AGAP1: variants seen among roughly 807,000 people sequenced by gnomAD.
AGAP1 encodes the protein arf-GAP with GTPase, ANK repeat and PH domain-containing protein 1.
A neutral mutation model predicts 105.3 loss-of-function variants in AGAP1; 29 were observed. The ratio of observed to expected loss-of-function variants is 0.28; its 90% CI spans 0.21 to 0.38. The LOEUF is 0.38. Among genes scored for constraint, AGAP1 ranks in the 10% least tolerant of loss-of-function variants. The pLI is 1.00. For missense variants in AGAP1, 998 were observed against 1,165.1 expected (o/e 0.86, Z 2.09); for synonymous variants, 509 against 485.9 (o/e 1.05, Z -0.63).
chr2:236,088,100 A>G (rs1272400567), intron 16 of AGAP1, among the ~76,000 whole-genome samples: 1 of 152,132 alleles, frequency 6.6e-6, no homozygotes, highest in African/African-American at 2.4e-5. Context: ...ACCTTCACCA[A>G]TGTGCCTTTC....
chr2:235,750,264 A>G lies in AGAP1; in HGVS notation c.539-90A>G. On this transcript the variant is annotated intron_variant, in intron 5 of 17. Transcript: ENST00000304032. The surrounding 1 kb of genome is among the most constrained non-coding windows in gnomAD (Gnocchi z 5.3). ...AAACTAATTACATTTCTGCTGAGTA[A>G]GGTACTGGTTTTCCGTGTTGTGGGG... 6.4e-7 allele frequency: 1 copy of G among 1,552,258 alleles called. No individual in the cohort carries two copies. Among genetic ancestry groups the G allele is most frequent in the Non-Finnish European group, 8.8e-7 (1 of 1,130,046 alleles).
chr2:235,575,931 A>T (rs972335070), intron 1 of AGAP1, among the ~76,000 whole-genome samples: 1 of 152,164 alleles, frequency 6.6e-6, no homozygotes, highest in Non-Finnish European at 1.5e-5. Flanking sequence ...TCAAAAGAAG[A>T]TGATGTGAAA....
chr2:235,842,643 C>T lies in AGAP1; in HGVS notation c.1050+35312C>T, dbSNP rs1221240596. Among the ~76,000 whole-genome samples the T allele has an allele frequency of 6.6e-6, 1 of 152,212 alleles. No individual in the cohort carries two copies. The highest frequency in any genetic ancestry group is 2.4e-5 in the African/African-American group (1 of 41,448). On this transcript the variant is annotated intron_variant, in intron 9 of 17. Coordinates refer to ENST00000304032, the MANE Select transcript of AGAP1 (RefSeq NM_001037131.3). This position sits in a 1 kb window ranked among gnomAD's most constrained non-coding sequence, Gnocchi z 5.3. ...CGTGCCAAAAAAGACCCACCTGTAG[C>T]AAGCCTCCATGTGGATTTGAGTTTC...
intron 1 of AGAP1, among the ~76,000 whole-genome samples, chr2:235,541,925 A>G (rs188620800): frequency 9.5e-4 from 144 of 152,262 alleles, no homozygotes; most frequent in Non-Finnish European, 5.6e-4. Context: ...ACTGCTGTAT[A>G]ATATTCTACT....
rs2052893968 is a variant in AGAP1 at position 235,934,530 on chromosome 2, CG to C, written c.1483+3608del. 6.6e-6 allele frequency among the ~76,000 whole-genome samples: 1 copy of C among 152,146 alleles called. No homozygotes were observed. The highest frequency in any genetic ancestry group is 2.4e-5 in the African/African-American group (1 of 41,424). On this transcript the variant is annotated intron_variant, in intron 12 of 17. Transcript: ENST00000304032. This position sits in a 1 kb window ranked among gnomAD's most constrained non-coding sequence, Gnocchi z 4.9. ...GATCTGATGGACAACTTCCAGAAAA[CG>C]TGTTTATGAATGGATTTCAAGACTC...
Position 235,578,177 on chromosome 2 carries a change from G to A in AGAP1, c.163+83328G>A, listed in dbSNP as rs1332507906. On this transcript the variant is annotated intron_variant, in intron 1 of 17. Transcript: ENST00000304032. This position sits in a 1 kb window ranked among gnomAD's most constrained non-coding sequence, Gnocchi z 4.9. ...AGCTATAAAGGACTTGGCCACCAAG[G>A]TTGGAGCTGAGCCCCCCATGTCATG... Among the ~76,000 whole-genome samples the A allele has an allele frequency of 1.3e-5, 2 of 152,094 alleles. No homozygotes were observed. The highest frequency in any genetic ancestry group is 2.9e-5 in the Non-Finnish European group (2 of 68,020).
At chr2:235,675,255 T>C in intron 1 of AGAP1, among the ~76,000 whole-genome samples, 1 of 150,252 alleles carries the variant, frequency 6.7e-6, no homozygotes, top group Non-Finnish European at 1.5e-5. Flanking sequence ...AGTGGCGCGA[T>C]CTCAGCTCAC....
At chr2:235,870,329 A>T (rs1040836590) in intron 9 of AGAP1, among the ~76,000 whole-genome samples, 3 of 152,200 alleles carry the variant, frequency 2.0e-5, no homozygotes, top group African/African-American at 7.2e-5. Context: ...GAACAGGAGA[A>T]CTGCAGCAGA....
At position 235,712,093 on chromosome 2, in the gene AGAP1, C is replaced by T. The variant is rs190227620; in HGVS notation, c.222+2856C>T. ...AGGCTGGAGTGCAGTGGCGCCATCT[C>T]GGCTCACTGCAACCTGCCTCCTGGG... On this transcript the variant is annotated intron_variant, in intron 2 of 17. Transcript: ENST00000304032. The surrounding 1 kb of genome is among the most constrained non-coding windows in gnomAD (Gnocchi z 6.0). 9.0e-4 allele frequency among the ~76,000 whole-genome samples: 137 copies of T among 152,130 alleles called. 3 individuals are homozygous for T. In the East Asian group the frequency reaches 0.021, roughly 24 times the overall value.
At chr2:235,791,846 C>G (rs180818701) in intron 6 of AGAP1, among the ~76,000 whole-genome samples, 1 of 152,164 alleles carries the variant, frequency 6.6e-6, no homozygotes, top group Non-Finnish European at 1.5e-5. Flanking sequence ...CTCACCCAGC[C>G]GGGAAGAGCC....
chr2:236,100,412 T>G (rs2059317116), intron 16 of AGAP1, among the ~76,000 whole-genome samples: 1 of 152,198 alleles, frequency 6.6e-6, no homozygotes, highest in African/African-American at 2.4e-5. Context: ...GAGAATTAAT[T>G]TATGTATTCA....
intron 1 of AGAP1, among the ~76,000 whole-genome samples, chr2:235,604,612 T>C (rs1574947951): frequency 8.3e-6 from 1 of 120,958 alleles, no homozygotes; most frequent in African/African-American, 3.3e-5. Context: ...AGATGGAGTC[T>C]CGCTCTGTTG....
chr2:236,018,901 A>G lies in AGAP1; in HGVS notation c.1646-17660A>G, dbSNP rs572964539. On this transcript the variant is annotated intron_variant, in intron 13 of 17. Coordinates refer to ENST00000304032, the MANE Select transcript of AGAP1 (RefSeq NM_001037131.3). ...GGAACCCAGTCTCCCCGACACTGCG[A>G]TTCCAAGCATAGGCATTGCCATGGG... Among the ~76,000 whole-genome samples the G allele has an allele frequency of 2.1e-3, 317 of 152,330 alleles. 4 individuals carry two copies. The highest frequency in any genetic ancestry group is 1.2e-3 in the East Asian group (6 of 5,178).
At position 235,906,184 on chromosome 2, in the gene AGAP1, C is replaced by T. The variant is rs373453610; in HGVS notation, c.1156-2554C>T. On this transcript the variant is annotated intron_variant, in intron 10 of 17. Transcript: ENST00000304032. The surrounding 1 kb of genome is among the most constrained non-coding windows in gnomAD (Gnocchi z 5.3). The stretch of plus-strand genomic sequence containing the variant: ...TGGCCAGTCACCAGCCTCGGGTGGC[C>T]GGGCACCTCTGCTCCCGGCCTCTGG... Among the ~76,000 whole-genome samples, 2 of 152,136 alleles carry T rather than the reference C, an allele frequency of 1.3e-5. No individual in the cohort carries two copies. The highest frequency in any genetic ancestry group is 2.9e-5 in the Non-Finnish European group (2 of 68,034).
intron 13 of AGAP1, among the ~76,000 whole-genome samples, chr2:235,990,860 T>C (rs773020055): frequency 6.6e-6 from 1 of 152,196 alleles, no homozygotes; most frequent in Non-Finnish European, 1.5e-5. Context: ...TTATGTCAGA[T>C]TGTGATCAAC....
chr2:236,039,334 A>G (rs1043351758), intron 14 of AGAP1, among the ~76,000 whole-genome samples: 2 of 152,018 alleles, frequency 1.3e-5, no homozygotes, highest in African/African-American at 2.4e-5. Context: ...AGTTCCAGCT[A>G]CTCAGGAGGC....
In AGAP1 at chr2:235,976,713, G is replaced by T. The variant is rs778524606; in HGVS notation, c.1645+8090G>T. ...AGACCAGTGGAGAAAGCAGAAACAC[G>T]CCGGGGAACTTGGTTATGCAGGAGC... On this transcript the variant is annotated intron_variant, in intron 13 of 17. Coordinates refer to ENST00000304032, the MANE Select transcript of AGAP1 (RefSeq NM_001037131.3). The surrounding 1 kb of genome is among the most constrained non-coding windows in gnomAD (Gnocchi z 4.5). Among the ~76,000 whole-genome samples, 1 of 152,140 alleles carries T rather than the reference G, an allele frequency of 6.6e-6. No homozygotes were observed. Among genetic ancestry groups the T allele is most frequent in the Non-Finnish European group, 1.5e-5 (1 of 68,026 alleles).
At chr2:235,914,991 G>T (rs2051802390) in intron 11 of AGAP1, among the ~76,000 whole-genome samples, 1 of 152,172 alleles carries the variant, frequency 6.6e-6, no homozygotes, top group African/African-American at 2.4e-5. Flanking sequence ...AGTCTCAGAA[G>T]AAGAGAAAGA....
intron 1 of AGAP1, among the ~76,000 whole-genome samples, chr2:235,568,942 C>T (rs942126630): frequency 6.6e-6 from 1 of 152,184 alleles, no homozygotes; most frequent in African/African-American, 2.4e-5. Context: ...CCTGTGATTA[C>T]ATTGAACCCA....
Sources: allele counts gnomAD v4.1 joint callset (sites outside exome capture counted in the v4.1 genomes callset), GRCh38; gene constraint gnomAD v4.1.1; non-coding constraint Gnocchi (gnomAD v3.1); transcripts MANE v1.5; gene names NCBI Gene and HGNC (gene_info 2026-07-23, HGNC 2026-07-21).